USH2A: variants seen among roughly 807,000 people sequenced by gnomAD.
USH2A encodes the protein Usher syndrome 2A (autosomal recessive, mild).
Under a neutral mutation model 538.9 loss-of-function variants are expected in USH2A, and 443 were observed. The observed-to-expected ratio is 0.82, with a 90% confidence interval of 0.76 to 0.89. The LOEUF (loss-of-function observed/expected upper bound fraction) is 0.89. USH2A is among the 40% of genes least tolerant of loss of function. The pLI, the probability that USH2A is intolerant of heterozygous loss-of-function variation, is 0.00. For synonymous variants in USH2A, 2,413 were observed against 2,273.5 expected, an observed-to-expected ratio of 1.06 and a Z score of -1.75; for missense variants, 6,633 against 6,324.8, an observed-to-expected ratio of 1.05 and a Z score of -1.65.
At chr1:215,886,164 TG>T (rs1408924799) in intron 41 of USH2A, among the ~76,000 whole-genome samples, 5 of 152,330 alleles carry the variant, frequency 3.3e-5, no homozygotes, top group African/African-American at 1.2e-4. Context: ...TCCTAATACC[TG>T]GAACAACCCT....
At position 216,217,570 on chromosome 1, in the gene USH2A, A is replaced by G. The variant is rs565248701; in HGVS notation, c.2994-20T>C. ...TGACATCTGAAAACAAGGCAAATAA[A>G]CCATCAAAGAGAATAGTGTTTTGAT... On this transcript the variant is annotated intron_variant, in intron 14 of 71. Coordinates refer to ENST00000307340, the MANE Select transcript of USH2A (RefSeq NM_206933.4). The G allele has an allele frequency of 1.2e-6, 2 of 1,611,852 alleles. No homozygotes were observed. The highest frequency in any genetic ancestry group is 2.7e-5 in the African/African-American group (2 of 74,804).
chr1:215,956,190 C>A (rs1474154304), intron 37 of USH2A, among the ~76,000 whole-genome samples: 1 of 152,102 alleles, frequency 6.6e-6, no homozygotes, highest in Non-Finnish European at 1.5e-5. Flanking sequence ...ATTCAACAAG[C>A]ACTGAACTCT....
chr1:215,881,264 C>A (rs1199415938), intron 41 of USH2A, among the ~76,000 whole-genome samples: 2 of 152,210 alleles, frequency 1.3e-5, no homozygotes, highest in Non-Finnish European at 2.9e-5. Context: ...CTTCAGCCCC[C>A]TGAGTGGCTA....
At chr1:216,290,261 C>T (rs1039971198) in intron 10 of USH2A, among the ~76,000 whole-genome samples, 7 of 151,970 alleles carry the variant, frequency 4.6e-5, no homozygotes, top group Non-Finnish European at 1.5e-5. Context: ...AATCAATAAT[C>T]AATAATATGA....
At chr1:216,254,358 C>T (rs1210758767) in intron 11 of USH2A, among the ~76,000 whole-genome samples, 1 of 152,048 alleles carries the variant, frequency 6.6e-6, no homozygotes, top group East Asian at 1.9e-4. Flanking sequence ...TACTCATACT[C>T]TAAAACCAAT....
At chr1:215,971,272 A>G (rs1202970324) in intron 35 of USH2A, among the ~76,000 whole-genome samples, 2 of 152,148 alleles carry the variant, frequency 1.3e-5, no homozygotes, top group Non-Finnish European at 2.9e-5. Flanking sequence ...ACAGGCAAAG[A>G]GAAAAGGTAT....
At chr1:215,910,266 G>A (rs773619934) in intron 38 of USH2A, among the ~76,000 whole-genome samples, 1 of 151,482 alleles carries the variant, frequency 6.6e-6, no homozygotes, top group Non-Finnish European at 1.5e-5. Context: ...AACTTAATTA[G>A]CTGATTAGCA....
chr1:216,367,619 T>C (rs539392237), intron 3 of USH2A, among the ~76,000 whole-genome samples: 1 of 152,176 alleles, frequency 6.6e-6, no homozygotes, highest in Non-Finnish European at 1.5e-5. Context: ...TTTCACTTTA[T>C]AGGTACTTAA....
chr1:216,013,056 T>G (rs1166121920), intron 32 of USH2A, among the ~76,000 whole-genome samples: 6 of 152,296 alleles, frequency 3.9e-5, no homozygotes, highest in African/African-American at 1.4e-4. Context: ...ACTCTTGAAG[T>G]AAATAAATAA....
chr1:216,000,377 G>A (rs376553261), intron 33 of USH2A, 26 bp downstream of exon 33: 6 of 1,613,010 alleles, frequency 3.7e-6, no homozygotes, highest in Admixed American at 1.7e-5. Context: ...GAACCAGCAT[G>A]TGAGAGAGAC....
intron 38 of USH2A, among the ~76,000 whole-genome samples, chr1:215,924,415 T>C (rs1020137734): frequency 6.6e-6 from 1 of 152,146 alleles, no homozygotes; most frequent in Admixed American, 6.6e-5. Flanking sequence ...TTTCTCACTT[T>C]TGTGAGTATT....
chr1:215,946,302 G>C (rs1034301818), intron 37 of USH2A, among the ~76,000 whole-genome samples: 1 of 152,108 alleles, frequency 6.6e-6, no homozygotes, highest in African/African-American at 2.4e-5. Context: ...CTCAATATAG[G>C]TGTTCTTGGT....
intron 13 of USH2A, among the ~76,000 whole-genome samples, chr1:216,241,203 C>T (rs1201812698): frequency 4.6e-5 from 7 of 152,084 alleles, no homozygotes; most frequent in African/African-American, 1.7e-4. Flanking sequence ...AGGAGGAAGA[C>T]AATAGATAAT....
chr1:215,887,577 G>T (rs530016599), intron 41 of USH2A, among the ~76,000 whole-genome samples: 1 of 152,200 alleles, frequency 6.6e-6, no homozygotes, highest in Admixed American at 6.5e-5. Context: ...AACTAACAAA[G>T]ACTTTTAAAA....
chr1:215,951,192 G>C (rs1345483544), intron 37 of USH2A, among the ~76,000 whole-genome samples: 1 of 152,266 alleles, frequency 6.6e-6, no homozygotes. Context: ...TGGGCATTTA[G>C]TGCTATAAAT....
chr1:216,326,905 T>C (rs568416652), intron 5 of USH2A, among the ~76,000 whole-genome samples: 48 of 152,290 alleles, frequency 3.2e-4, no homozygotes, highest in African/African-American at 1.1e-3. Flanking sequence ...TATACTATTA[T>C]ACCATGATAT....
chr1:215,764,503 G>A lies in USH2A; in HGVS notation c.11047+2178C>T, dbSNP rs569138525. 6.6e-5 allele frequency among the ~76,000 whole-genome samples: 10 copies of A among 152,180 alleles called. No individual in the cohort carries two copies. The East Asian group carries it at 1.7e-3, about 26-fold the overall frequency. On this transcript the variant is annotated intron_variant, in intron 56 of 71. Transcript: ENST00000307340. ...GGTACAGGTACACAGTTTTCTATGA[G>A]GATAAAACTGTAGAGAACTGTGTCC... is the stretch of plus-strand genomic sequence containing the variant.
chr1:215,634,597 G>A lies in USH2A; in HGVS notation c.15159C>T (p.Ile5053=), dbSNP rs745511822. 30 of 1,614,046 alleles carry A rather than the reference G, an allele frequency of 1.9e-5. No homozygotes were observed. The highest frequency in any genetic ancestry group is 2.5e-5 in the Non-Finnish European group (29 of 1,180,042). The change falls in exon 70 of 72, where the codon ATC becomes ATT. Residue 5053 remains isoleucine, a synonymous_variant. Transcript: ENST00000307340. ...FIVLMAMLGL[I]LLAIFLSLIL... ...TCAGGGACAGAAAAATGGCCAACAA[G>A]ATCAAGCCCAGCATCGCCATTAACA...
rs116360680 is a variant in USH2A, at chr1:216,033,539, G to T, written c.6325+12892C>A. ...GTTGTAGAAATAAATGAGAATAAAAGAATGATATAAGGCTAAGAAAGTAGA... is the reference window on the plus strand; with the variant it reads ...GTTGTAGAAATAAATGAGAATAAAATAATGATATAAGGCTAAGAAAGTAGA... On this transcript the variant is annotated intron_variant, in intron 32 of 71. Coordinates refer to ENST00000307340, the MANE Select transcript of USH2A (RefSeq NM_206933.4). Among the ~76,000 whole-genome samples, 229 of 152,256 alleles carry T rather than the reference G, an allele frequency of 1.5e-3. 1 individual carries two copies. Among genetic ancestry groups the T allele is most frequent in the African/African-American group, 5.2e-3 (216 of 41,568 alleles).
Sources: allele counts gnomAD v4.1 joint callset (sites outside exome capture counted in the v4.1 genomes callset), GRCh38; gene constraint gnomAD v4.1.1; transcripts MANE v1.5; gene names NCBI Gene and HGNC (gene_info 2026-07-23, HGNC 2026-07-21).